SLC7A5: variants seen among roughly 807,000 people sequenced by gnomAD.
The protein encoded by SLC7A5 is solute carrier family 7 member 5.
Under a neutral mutation model 50.2 loss-of-function variants are expected in SLC7A5, and 23 were observed. The ratio of observed to expected loss-of-function variants is 0.46; its 90% CI spans 0.33 to 0.65. The LOEUF (loss-of-function observed/expected upper bound fraction) is 0.65, where lower values mean the gene tolerates loss of function less well. Ranked by LOEUF, SLC7A5 falls within the 30% of genes least tolerant of loss-of-function variation. The pLI, the probability that SLC7A5 is intolerant of heterozygous loss-of-function variation, is 0.02. For synonymous variants in SLC7A5, 393 were observed against 330.6 expected (o/e 1.19, Z -2.05); for missense variants, 578 against 684.4 (o/e 0.84, Z 1.73).
Position 87,841,008 on chromosome 16 carries a change from G to A in SLC7A5, c.770+42C>T, listed in dbSNP as rs750194676. On this transcript the variant is annotated intron_variant, in intron 3 of 9. Transcript: ENST00000261622. This position sits in a 1 kb window ranked among gnomAD's most constrained non-coding sequence, Gnocchi z 4.8. ...GGGATTCCTGGACACGTCAGGGACT[G>A]TATGTCCCCAGACCAAGGGACCCAG... The A allele has an allele frequency of 1.5e-6, 2 of 1,377,124 alleles. No homozygotes were observed. The highest frequency in any genetic ancestry group is 1.7e-5 in the Admixed American group (1 of 59,584). The allele number at this position is 1,377,124 out of a possible 1,614,324, so 85.3% of individuals were successfully genotyped here.
intron 2 of SLC7A5, among the ~76,000 whole-genome samples, chr16:87,850,726 A>G (rs1359736723): frequency 6.6e-6 from 1 of 152,182 alleles, no homozygotes; most frequent in Non-Finnish European, 1.5e-5. Context: ...ACTGTACCCA[A>G]CCACGGGTGG....
intron 2 of SLC7A5, among the ~76,000 whole-genome samples, chr16:87,844,966 C>T (rs544602597): frequency 2.6e-5 from 4 of 152,342 alleles, no homozygotes; most frequent in East Asian, 1.9e-4. Context: ...GCACTAAGGC[C>T]GACGACAAGT....
chr16:87,840,452 T>C lies in SLC7A5; in HGVS notation c.792A>G (p.Thr264=), dbSNP rs748714646. Residue 264 remains threonine (T), a synonymous_variant, in exon 4 of 10, where the codon ACA becomes ACG. Transcript: ENST00000261622. ...YGGWNYLNFV[T]EEMINPYRNL... ...ACCTGTAGGGGTTGATCATTTCCTC[T>C]GTGACGAAATTCAAGTAATTCCTAA... 1.2e-6 allele frequency: 2 copies of C among 1,612,336 alleles called. No homozygotes were observed. The highest frequency in any genetic ancestry group is 2.2e-5 in the East Asian group (1 of 44,874).
chr16:87,844,768 T>G (rs1244849524), intron 2 of SLC7A5, among the ~76,000 whole-genome samples: 1 of 152,234 alleles, frequency 6.6e-6, no homozygotes, highest in African/African-American at 2.4e-5. Context: ...GCGCGGACTT[T>G]CCACTGTGCT....
intron 1 of SLC7A5, among the ~76,000 whole-genome samples, chr16:87,855,049 T>C (rs2055297844): frequency 6.6e-6 from 1 of 152,238 alleles, no homozygotes; most frequent in Non-Finnish European, 1.5e-5. Flanking sequence ...AGGACACCTG[T>C]CACAGTGAGG....
chr16:87,832,097 C>T lies in SLC7A5; in HGVS notation c.*873G>A, dbSNP rs575493117. The T allele has an allele frequency of 2.6e-5, 4 of 152,490 alleles. No homozygotes were observed. Among genetic ancestry groups the T allele is most frequent in the Admixed American group, 2.6e-4 (4 of 15,304 alleles). 9.4% of individuals were successfully genotyped at this position (152,490 alleles called of 1,614,324 possible). A position where few individuals can be genotyped will look rare whatever the true frequency, so the allele number is the denominator to read the frequency against. ...GTGTGGAGCCCAGGGTGGGCGCCCA[C>T]ATGGGTGCCTGGCCGCGGTGTGTCT... On this transcript the variant is annotated 3_prime_UTR_variant, in exon 10 of 10. Transcript: ENST00000261622. The surrounding 1 kb of genome is among the most constrained non-coding windows in gnomAD (Gnocchi z 4.6).
chr16:87,867,665 C>T (rs1046007768), intron 1 of SLC7A5, among the ~76,000 whole-genome samples: 1 of 152,074 alleles, frequency 6.6e-6, no homozygotes, highest in Non-Finnish European at 1.5e-5. Flanking sequence ...TATAAATTAG[C>T]CCTTCCCACC....
At chr16:87,851,654 T>G in intron 2 of SLC7A5, 70 bp downstream of exon 2, 2 of 1,577,758 alleles carry the variant, frequency 1.3e-6, no homozygotes, top group Non-Finnish European at 1.7e-6. Context: ...GGACGGGACC[T>G]CATGCCCTGT....
chr16:87,833,542 C>G lies in SLC7A5; in HGVS notation c.1469-517G>C, dbSNP rs977926931. Reference sequence around the variant, plus strand: ...GATAGAGACGGGGGTTTGCTTTAAGCTCTTGGTGTCCTGAATGACAGTTAA... The same window carrying G: ...GATAGAGACGGGGGTTTGCTTTAAGGTCTTGGTGTCCTGAATGACAGTTAA... On this transcript the variant is annotated intron_variant, in intron 9 of 9. Coordinates refer to ENST00000261622, the MANE Select transcript of SLC7A5 (RefSeq NM_003486.7). This position sits in a 1 kb window ranked among gnomAD's most constrained non-coding sequence, Gnocchi z 6.0. Among the ~76,000 whole-genome samples the G allele has an allele frequency of 3.9e-5, 6 of 152,200 alleles. No homozygotes were observed.
intron 5 of SLC7A5, among the ~76,000 whole-genome samples, chr16:87,839,083 G>T (rs747938833): frequency 2.6e-5 from 4 of 152,226 alleles, no homozygotes; most frequent in Non-Finnish European, 4.4e-5. Flanking sequence ...GCAAGCTACG[G>T]CCTGCAGGTG....
At position 87,836,651 on chromosome 16, in the gene SLC7A5, G is replaced by T. The variant is rs986514243; in HGVS notation, c.1141-4C>A. On this transcript the variant is annotated splice_region_variant and splice_polypyrimidine_tract_variant and intron_variant, in intron 7 of 9. Transcript: ENST00000261622. ...CGTAGAGCAGCGTCATCACACACTGGAAGAGAGAGGCGGCTGGCTGAGCCC... is the reference window on the plus strand; with the variant it reads ...CGTAGAGCAGCGTCATCACACACTGTAAGAGAGAGGCGGCTGGCTGAGCCC... The T allele has an allele frequency of 1.2e-6, 2 of 1,611,898 alleles. No individual in the cohort carries two copies. Among genetic ancestry groups the T allele is most frequent in the Admixed American group, 1.7e-5 (1 of 60,022 alleles).
chr16:87,841,023 A>C lies in SLC7A5; in HGVS notation c.770+27T>G. On this transcript the variant is annotated intron_variant, in intron 3 of 9. Coordinates refer to ENST00000261622, the MANE Select transcript of SLC7A5 (RefSeq NM_003486.7). The surrounding 1 kb of genome is among the most constrained non-coding windows in gnomAD (Gnocchi z 4.8). ...GTCAGGGACTGTATGTCCCCAGACCAAGGGACCCAGACATTCCAGAACCTA... is the reference window on the plus strand; with the variant it reads ...GTCAGGGACTGTATGTCCCCAGACCCAGGGACCCAGACATTCCAGAACCTA... The C allele has an allele frequency of 1.3e-6, 2 of 1,517,694 alleles. No homozygotes were observed. The highest frequency in any genetic ancestry group is 1.8e-6 in the Non-Finnish European group (2 of 1,092,976). 94.0% of individuals were successfully genotyped at this position (1,517,694 alleles called of 1,614,324 possible).
chr16:87,859,034 C>G (rs1401980747), intron 1 of SLC7A5, among the ~76,000 whole-genome samples: 1 of 152,254 alleles, frequency 6.6e-6, no homozygotes, highest in Non-Finnish European at 1.5e-5. Context: ...GGCTCCTGCC[C>G]TGCCCTCCTC....
chr16:87,844,474 GC>G (rs992521702), intron 2 of SLC7A5, among the ~76,000 whole-genome samples: 2 of 152,330 alleles, frequency 1.3e-5, no homozygotes, highest in South Asian at 2.1e-4. Context: ...TCCGCCGGTG[GC>G]TAAAGCCATC....
rs1452847664 is a variant in SLC7A5, at chr16:87,833,788, AG to A, written c.1468+625del. 2.7e-5 allele frequency among the ~76,000 whole-genome samples: 4 copies of A among 149,894 alleles called. No homozygotes were observed. Among genetic ancestry groups the A allele is most frequent in the African/African-American group, 9.8e-5 (4 of 40,622 alleles). On this transcript the variant is annotated intron_variant, in intron 9 of 9. Transcript: ENST00000261622. The surrounding 1 kb of genome is among the most constrained non-coding windows in gnomAD (Gnocchi z 6.0). ...TGCAGGCGCTGAGGACGGGGTCCTG[AG>A]CTTGGTGACAAAGCACCCCTGGGGC...
In SLC7A5 at chr16:87,852,417, G is replaced by A. The variant is rs1417120503; in HGVS notation, c.539-568C>T. Among the ~76,000 whole-genome samples, 2 of 152,210 alleles carry A rather than the reference G, an allele frequency of 1.3e-5. No homozygotes were observed. Among genetic ancestry groups the A allele is most frequent in the African/African-American group, 4.8e-5 (2 of 41,450 alleles). On this transcript the variant is annotated intron_variant, in intron 1 of 9. Coordinates refer to ENST00000261622, the MANE Select transcript of SLC7A5 (RefSeq NM_003486.7). The surrounding 1 kb of genome is among the most constrained non-coding windows in gnomAD (Gnocchi z 4.5). ...ACGGCAGCCTGGGAGGGGCCACAGG[G>A]GCCTGTGGTGAGCAGAGCAGACCCT... is the stretch of plus-strand genomic sequence containing the variant.
chr16:87,849,860 C>T (rs1291702621), intron 2 of SLC7A5, among the ~76,000 whole-genome samples: 2 of 152,098 alleles, frequency 1.3e-5, no homozygotes, highest in Non-Finnish European at 2.9e-5. Flanking sequence ...GGGATGGGCT[C>T]GAGCTCCTGA....
In SLC7A5 at chr16:87,852,152, C is replaced by T. The variant is rs1024320136; in HGVS notation, c.539-303G>A. On this transcript the variant is annotated intron_variant, in intron 1 of 9. Coordinates refer to ENST00000261622, the MANE Select transcript of SLC7A5 (RefSeq NM_003486.7). This position sits in a 1 kb window ranked among gnomAD's most constrained non-coding sequence, Gnocchi z 4.5. The stretch of plus-strand genomic sequence containing the variant: ...CATGGAGTCCCACCTGTAGTCAGGA[C>T]TTCAAGTGGGGTCACTGCCTCCAGA... 6.6e-6 allele frequency among the ~76,000 whole-genome samples: 1 copy of T among 152,210 alleles called. No homozygotes were observed. The highest frequency in any genetic ancestry group is 6.5e-5 in the Admixed American group (1 of 15,284).
intron 6 of SLC7A5, 99 bp from the exon 7 acceptor site, chr16:87,838,040 C>T (rs2055033477): frequency 2.1e-6 from 2 of 942,150 alleles, no homozygotes; most frequent in African/African-American, 1.6e-5. Flanking sequence ...CTGTGCCTGG[C>T]TTGTCTGGGC....
Sources: gnomAD v4.1 joint callset for allele counts (sites outside exome capture counted in the v4.1 genomes callset) on GRCh38, gnomAD v4.1.1 for gene constraint, Gnocchi (gnomAD v3.1) non-coding constraint, MANE v1.5 for transcripts, NCBI Gene and HGNC (gene_info 2026-07-23, HGNC 2026-07-21) for gene names.